Variants in CSMD1 observed in about 807,000 individuals in gnomAD.
The protein encoded by CSMD1 is CUB and sushi domain-containing protein 1.
A neutral mutation model predicts 417.5 loss-of-function variants in CSMD1; 213 were observed. The ratio of observed to expected loss-of-function variants is 0.51; its 90% CI spans 0.46 to 0.57. The LOEUF (loss-of-function observed/expected upper bound fraction) is 0.57, where lower values mean the gene tolerates loss of function less well. Ranked by LOEUF, CSMD1 falls within the 20% of genes least tolerant of loss-of-function variation. The pLI is 0.00. For synonymous variants in CSMD1, 2,862 were observed against 1,736.8 expected (o/e 1.65, Z -16.11); for missense variants, 6,923 against 4,529.7 (o/e 1.53, Z -15.17).
At chr8:4,678,983 G>A (rs915244396) in intron 1 of CSMD1, among the ~76,000 whole-genome samples, 2 of 152,144 alleles carry the variant, frequency 1.3e-5, no homozygotes, top group Non-Finnish European at 2.9e-5. Context: ...GTGTGCTGCC[G>A]ACTCTCAACC....
chr8:4,287,993 A>T (rs1020378290), intron 3 of CSMD1, among the ~76,000 whole-genome samples: 1 of 152,166 alleles, frequency 6.6e-6, no homozygotes, highest in African/African-American at 2.4e-5. Flanking sequence ...TTAAGGTTTG[A>T]TTTAAAGTTA....
chr8:3,828,916 C>G (rs568177107), intron 5 of CSMD1, among the ~76,000 whole-genome samples: 29 of 152,132 alleles, frequency 1.9e-4, no homozygotes, highest in Admixed American at 2.6e-4. Context: ...TTCAGCTCAC[C>G]CATTACTTCT....
At chr8:3,982,886 C>T (rs1434060130) in intron 5 of CSMD1, among the ~76,000 whole-genome samples, 14 of 152,160 alleles carry the variant, frequency 9.2e-5, no homozygotes, top group Non-Finnish European at 1.9e-4. Flanking sequence ...TTAGCGTTTC[C>T]TACCCTTGCC....
chr8:4,062,130 G>C (rs889863877), intron 3 of CSMD1, among the ~76,000 whole-genome samples: 1 of 152,090 alleles, frequency 6.6e-6, no homozygotes, highest in Non-Finnish European at 1.5e-5. Flanking sequence ...CAGAGGGTCA[G>C]TGGAGGCTCA....
chr8:2,976,233 A>C (rs965928766), intron 55 of CSMD1, among the ~76,000 whole-genome samples: 4 of 152,140 alleles, frequency 2.6e-5, no homozygotes, highest in Non-Finnish European at 4.4e-5. Context: ...AAAAAAAAAA[A>C]AACTGCAACA....
At chr8:4,792,295 C>A (rs1797734205) in intron 1 of CSMD1, among the ~76,000 whole-genome samples, 1 of 152,168 alleles carries the variant, frequency 6.6e-6, no homozygotes, top group Non-Finnish European at 1.5e-5. Context: ...TATAAAGGTG[C>A]ATGGTCCCTA....
chr8:4,632,241 T>C (rs1189186570), intron 2 of CSMD1, among the ~76,000 whole-genome samples: 1 of 152,086 alleles, frequency 6.6e-6, no homozygotes, highest in Admixed American at 6.6e-5. Context: ...TTATTGACGA[T>C]GTGAAAGTCA....
chr8:4,390,257 C>A (rs1226716436), intron 3 of CSMD1, among the ~76,000 whole-genome samples: 1 of 151,984 alleles, frequency 6.6e-6, no homozygotes, highest in Non-Finnish European at 1.5e-5. Flanking sequence ...AAAAGAAAAA[C>A]CAACTACTTT....
intron 4 of CSMD1, among the ~76,000 whole-genome samples, chr8:4,014,227 G>A (rs796720406): frequency 6.6e-6 from 1 of 152,002 alleles, no homozygotes; most frequent in Non-Finnish European, 1.5e-5. Context: ...CTTTCCTTAG[G>A]AAAAAAATCT....
intron 3 of CSMD1, among the ~76,000 whole-genome samples, chr8:4,064,889 T>G (rs1168002308): frequency 6.6e-6 from 1 of 151,840 alleles, no homozygotes; most frequent in Non-Finnish European, 1.5e-5. Context: ...ATGGGTTTCC[T>G]CACAAAGTGG....
chr8:3,558,498 G>GTACCTCAA (rs1799293714), intron 10 of CSMD1, among the ~76,000 whole-genome samples: 1 of 149,570 alleles, frequency 6.7e-6, no homozygotes, highest in African/African-American at 2.5e-5. Context: ...ATGATGAACG[G>GTACCTCAA]TGCCTCAATG....
Position 4,093,739 on chromosome 8 carries a change from T to G in CSMD1, c.416-61640A>C, listed in dbSNP as rs1800840212. Among the ~76,000 whole-genome samples, 3 of 152,104 alleles carry G rather than the reference T, an allele frequency of 2.0e-5. No homozygotes were observed. In the South Asian group the frequency reaches 6.2e-4, roughly 32 times the overall value. On this transcript the variant is annotated intron_variant, in intron 3 of 69. Transcript: ENST00000635120. ...ACTTTGGGAGGCTGAGGTGGAAAGA[T>G]AAACTGAGGTCAGGAGTTCAAGACC...
At chr8:3,213,686 T>C (rs911003143) in intron 30 of CSMD1, among the ~76,000 whole-genome samples, 2 of 151,188 alleles carry the variant, frequency 1.3e-5, no homozygotes, top group Non-Finnish European at 2.9e-5. Flanking sequence ...TATGTGTGTG[T>C]GTATGTATAT....
intron 3 of CSMD1, among the ~76,000 whole-genome samples, chr8:4,130,178 G>A (rs1276713969): frequency 6.6e-6 from 1 of 152,076 alleles, no homozygotes; most frequent in East Asian, 1.9e-4. Context: ...CTTTTCCTTA[G>A]TTCTTTCTTT....
rs555503831 is a variant in CSMD1 at position 3,848,040 on chromosome 8, G to T, written c.819-93998C>A. ...CTTTCCTGACACATGTTTTTATTTT[G>T]TCTAATCTTCTTACCATCCTGGTGA... On this transcript the variant is annotated intron_variant, in intron 5 of 69. Transcript: ENST00000635120. Among the ~76,000 whole-genome samples the T allele has an allele frequency of 2.0e-5, 3 of 151,176 alleles. No individual in the cohort carries two copies. The East Asian group carries it at 5.9e-4, about 29-fold the overall frequency.
chr8:4,303,491 T>A lies in CSMD1; in HGVS notation c.415+116462A>T, dbSNP rs192541252. On this transcript the variant is annotated intron_variant, in intron 3 of 69. Coordinates refer to ENST00000635120, the MANE Select transcript of CSMD1 (RefSeq NM_033225.6). The stretch of plus-strand genomic sequence containing the variant: ...GTGCTGAGCTCATGTTGATTTTCAA[T>A]CTCCTTACCATCTCTAGCACGTCTA... 4.5e-3 allele frequency among the ~76,000 whole-genome samples: 609 copies of A among 135,578 alleles called. 12 individuals are homozygous for A. The highest frequency in any genetic ancestry group is 0.016 in the African/African-American group (577 of 36,942). The allele number at this position is 135,578 out of a possible 152,430, so 88.9% of individuals were successfully genotyped here. A position where few individuals can be genotyped will look rare whatever the true frequency, so the allele number is the denominator to read the frequency against.
At chr8:3,505,893 C>T (rs1401349632) in intron 10 of CSMD1, among the ~76,000 whole-genome samples, 1 of 152,166 alleles carries the variant, frequency 6.6e-6, no homozygotes, top group Admixed American at 6.5e-5. Context: ...ATTTAAAAAA[C>T]AGTTACTTAA....
intron 3 of CSMD1, among the ~76,000 whole-genome samples, chr8:4,211,325 A>G (rs1438134126): frequency 2.6e-5 from 4 of 152,066 alleles, no homozygotes; most frequent in Non-Finnish European, 5.9e-5. Flanking sequence ...ATTATATCCA[A>G]CTGTTAAATT....
intron 3 of CSMD1, among the ~76,000 whole-genome samples, chr8:4,359,365 G>T (rs983007300): frequency 1.3e-5 from 2 of 152,196 alleles, no homozygotes; most frequent in African/African-American, 2.4e-5. Context: ...ATTATCTACA[G>T]AAATTATCAA....
Sources: gnomAD v4.1 joint callset for allele counts (sites outside exome capture counted in the v4.1 genomes callset) on GRCh38, gnomAD v4.1.1 for gene constraint, MANE v1.5 for transcripts, NCBI Gene and HGNC (gene_info 2026-07-23, HGNC 2026-07-21) for gene names.